SMC6: variants seen among roughly 807,000 people sequenced by gnomAD.
SMC6 encodes the protein structural maintenance of chromosomes protein 6.
A neutral mutation model predicts 142.2 loss-of-function variants in SMC6; 79 were observed. The observed-to-expected ratio is 0.56, with a 90% CI of 0.46 to 0.67. The LOEUF (loss-of-function observed/expected upper bound fraction) is 0.67, where lower values mean the gene tolerates loss of function less well. Ranked by LOEUF, SMC6 falls within the 30% of genes least tolerant of loss-of-function variation. The pLI is 0.00. For synonymous variants in SMC6, 411 were observed against 412.4 expected, an observed-to-expected ratio of 1.00 and a Z score of 0.04; for missense variants, 1,072 against 1,284.0, an observed-to-expected ratio of 0.83 and a Z score of 2.52.
In SMC6 at chr2:17,665,387, T is replaced by C. The variant is rs1373868577; in HGVS notation, c.*112A>G. On this transcript the variant is annotated 3_prime_UTR_variant, in exon 28 of 28. Coordinates refer to ENST00000448223, the MANE Select transcript of SMC6 (RefSeq NM_001142286.2). The stretch of plus-strand genomic sequence containing the variant: ...GATTGTGGTTGGATATATAAAGGAG[T>C]TTCTTTCATTTCAGAATGCCTCCAG... The C allele has an allele frequency of 2.3e-5, 12 of 512,306 alleles. No homozygotes were observed. Among genetic ancestry groups the C allele is most frequent in the African/African-American group, 4.0e-5 (2 of 50,576 alleles). 31.7% of individuals were successfully genotyped at this position (512,306 alleles called of 1,614,324 possible).
chr2:17,720,535 C>A lies in SMC6; in HGVS notation c.945+405G>T, dbSNP rs551459422. On this transcript the variant is annotated intron_variant, in intron 11 of 27. Transcript: ENST00000448223. ...TGGGCATTGTTTTCAGTTCTGAGTT[C>A]TCATACTTTCTGATACTTACCTTTA... 2.0e-5 allele frequency among the ~76,000 whole-genome samples: 3 copies of A among 152,288 alleles called. No individual in the cohort carries two copies. The South Asian group carries it at 6.2e-4, about 32-fold the overall frequency.
intron 23 of SMC6, among the ~76,000 whole-genome samples, chr2:17,684,479 A>C (rs1298129704): frequency 6.6e-6 from 1 of 152,224 alleles, no homozygotes; most frequent in Non-Finnish European, 1.5e-5. Flanking sequence ...ACTTATTAGA[A>C]CAGTGTTGCC....
Position 17,751,387 on chromosome 2 carries a change from G to A in SMC6, c.-6+1591C>T, listed in dbSNP as rs149748094. On this transcript the variant is annotated intron_variant, in intron 2 of 27. Transcript: ENST00000448223. Reference sequence around the variant, plus strand: ...CCCAGCTACTCCGGAGGCTGAGGCAGGAGAATCGCTTGAACCCGGGAGGCA... The same window carrying A: ...CCCAGCTACTCCGGAGGCTGAGGCAAGAGAATCGCTTGAACCCGGGAGGCA... 4.5e-4 allele frequency among the ~76,000 whole-genome samples: 68 copies of A among 151,476 alleles called. 1 individual carries two copies. The highest frequency in any genetic ancestry group is 1.5e-3 in the African/African-American group (63 of 41,136).
At chr2:17,730,944 T>G in intron 7 of SMC6, 134 bp downstream of exon 7, 1 of 696,024 alleles carries the variant, frequency 1.4e-6, no homozygotes. Context: ...ACTTCATTGA[T>G]AATAGTTACA....
chr2:17,695,316 A>C lies in SMC6; in HGVS notation c.2533-19T>G, dbSNP rs999703337. On this transcript the variant is annotated intron_variant, in intron 22 of 27. Coordinates refer to ENST00000448223, the MANE Select transcript of SMC6 (RefSeq NM_001142286.2). Reference sequence around the variant, plus strand: ...TTTTCTCCTAAGAAAGTAGATGTTTATATCTTTAAAACTCTTCTTTGATAT... The same window carrying C: ...TTTTCTCCTAAGAAAGTAGATGTTTCTATCTTTAAAACTCTTCTTTGATAT... 2 of 1,605,956 alleles carry C rather than the reference A, an allele frequency of 1.2e-6. No individual in the cohort carries two copies. The highest frequency in any genetic ancestry group is 1.1e-5 in the South Asian group (1 of 89,500).
chr2:17,693,035 T>A (rs1667806469), intron 23 of SMC6, among the ~76,000 whole-genome samples: 1 of 152,154 alleles, frequency 6.6e-6, no homozygotes, highest in African/African-American at 2.4e-5. Flanking sequence ...AGAATGGCGA[T>A]CATTAACAAG....
chr2:17,688,489 C>T (rs965447039), intron 23 of SMC6, among the ~76,000 whole-genome samples: 6 of 151,962 alleles, frequency 3.9e-5, no homozygotes, highest in Non-Finnish European at 7.4e-5. Context: ...CACTTGAGCC[C>T]GGGAGGGAGA....
chr2:17,748,748 T>C (rs1055351503), intron 2 of SMC6, among the ~76,000 whole-genome samples: 6 of 152,208 alleles, frequency 3.9e-5, no homozygotes, highest in African/African-American at 1.2e-4. Flanking sequence ...AGCATTACTT[T>C]TTGGTGTCCC....
At chr2:17,751,302 G>A (rs1671021540) in intron 2 of SMC6, among the ~76,000 whole-genome samples, 1 of 151,810 alleles carries the variant, frequency 6.6e-6, no homozygotes. Flanking sequence ...CCAACGTGGT[G>A]AAACCCCATC....
rs1423712549 is a variant in SMC6, at chr2:17,711,941, T to C, written c.1730+2920A>G. 2.6e-5 allele frequency among the ~76,000 whole-genome samples: 4 copies of C among 152,048 alleles called. No homozygotes were observed. In the East Asian group the frequency reaches 7.7e-4, roughly 29 times the overall value. ...GTCTAAATTTGGTGTATTTTTAATT[T>C]CTCCAAATATAAGAAGATATAAAGT... On this transcript the variant is annotated intron_variant, in intron 16 of 27. Transcript: ENST00000448223.
rs1338669385 is a variant in SMC6, at chr2:17,665,174, C to T, written c.*325G>A. 6.1e-6 allele frequency: 1 copy of T among 164,850 alleles called. No individual in the cohort carries two copies. Among genetic ancestry groups the T allele is most frequent in the Non-Finnish European group, 1.3e-5 (1 of 76,718 alleles). 10.2% of individuals were successfully genotyped at this position (164,850 alleles called of 1,614,324 possible). ...TTACAAAATGTTATAGAAATGAACC[C>T]AAACTAAACAGATATGTACATGTAT... On this transcript the variant is annotated 3_prime_UTR_variant, in exon 28 of 28. Coordinates refer to ENST00000448223, the MANE Select transcript of SMC6 (RefSeq NM_001142286.2).
intron 22 of SMC6, 66 bp downstream of exon 22, chr2:17,696,223 A>G: frequency 6.5e-7 from 1 of 1,541,964 alleles, no homozygotes; most frequent in Admixed American, 2.2e-5. Flanking sequence ...GACATTAGGG[A>G]AAACACACTT....
chr2:17,716,409 TTG>T, intron 14 of SMC6, 145 bp from the exon 15 acceptor site: 1 of 791,668 alleles, frequency 1.3e-6, no homozygotes, highest in Non-Finnish European at 1.9e-6. Flanking sequence ...TTGAAAATAA[TTG>T]TGTTACCAGA....
intron 2 of SMC6, among the ~76,000 whole-genome samples, chr2:17,747,659 C>G (rs1202172468): frequency 6.6e-6 from 1 of 152,080 alleles, no homozygotes; most frequent in African/African-American, 2.4e-5. Flanking sequence ...TGCGTGCCAC[C>G]ATGCCCAGCT....
intron 25 of SMC6, among the ~76,000 whole-genome samples, chr2:17,672,440 T>C (rs1352135182): frequency 6.6e-6 from 1 of 152,208 alleles, no homozygotes; most frequent in East Asian, 1.9e-4. Context: ...CATTTTTTTA[T>C]TACAGTAATA....
chr2:17,670,651 T>G (rs1666711234), intron 25 of SMC6, 76 bp from the exon 26 acceptor site: 2 of 1,329,624 alleles, frequency 1.5e-6, no homozygotes, highest in Admixed American at 2.7e-5. Flanking sequence ...ACAAGACAGA[T>G]AAATAATAGA....
rs185673176 is a variant in SMC6, at chr2:17,741,828, T to C, written c.121-99A>G. On this transcript the variant is annotated intron_variant, in intron 3 of 27. Coordinates refer to ENST00000448223, the MANE Select transcript of SMC6 (RefSeq NM_001142286.2). ...TCAGAAAGACTAGCACCATCACCAA[T>C]GAAAAAATTTACAGAAAGTGAATAA... 53 of 679,838 alleles carry C rather than the reference T, an allele frequency of 7.8e-5. No homozygotes were observed. The African/African-American group carries it at 9.1e-4, about 12-fold the overall frequency. 42.1% of individuals were successfully genotyped at this position (679,838 alleles called of 1,614,324 possible).
At chr2:17,723,339 C>T (rs1399756711) in intron 9 of SMC6, among the ~76,000 whole-genome samples, 2 of 152,200 alleles carry the variant, frequency 1.3e-5, no homozygotes, top group East Asian at 3.8e-4. Flanking sequence ...CGAAAATACA[C>T]AATTAATGAA....
intron 11 of SMC6, among the ~76,000 whole-genome samples, chr2:17,718,891 T>G (rs923818414): frequency 4.6e-5 from 7 of 152,154 alleles, no homozygotes; most frequent in Non-Finnish European, 1.5e-5. Flanking sequence ...TCTTATCTCC[T>G]AAGTCTGCAT....
Sources: gnomAD v4.1 joint callset for allele counts (sites outside exome capture counted in the v4.1 genomes callset) on GRCh38, gnomAD v4.1.1 for gene constraint, MANE v1.5 for transcripts, NCBI Gene and HGNC (gene_info 2026-07-23, HGNC 2026-07-21) for gene names.